The following ANP32B variants were observed in gnomAD, a reference collection of about 807,000 sequenced individuals.
ANP32B encodes the protein acidic leucine-rich nuclear phosphoprotein 32 family member B.
ANP32B carries 6 observed loss-of-function variants against 32.2 expected under a neutral mutation model. The observed-to-expected ratio is 0.19, with a 90% CI of 0.10 to 0.37. The LOEUF (loss-of-function observed/expected upper bound fraction) is 0.37, where lower values mean the gene tolerates loss of function less well. Ranked by LOEUF, ANP32B falls within the 10% of genes least tolerant of loss-of-function variation. The probability of loss-of-function intolerance (pLI) is 1.00; values close to 1 mark genes in which losing one functional copy is unlikely to be tolerated. For synonymous variants in ANP32B, 98 were observed against 105.8 expected, an observed-to-expected ratio of 0.93 and a Z score of 0.45; for missense variants, 204 against 289.2, an observed-to-expected ratio of 0.71 and a Z score of 2.14.
rs562891782 is a variant in ANP32B, at chr9:97,989,073, G to GA, written c.54+5472dup. On this transcript the variant is annotated intron_variant, in intron 1 of 6. Transcript: ENST00000339399. ...ATGAGCAAATTGAAGAGAATGAAAG[G>GA]AAAAAAAATGTTTCCATCTCCTGTG... is the stretch of plus-strand genomic sequence containing the variant. Among the ~76,000 whole-genome samples the GA allele has an allele frequency of 5.5e-4, 84 of 151,862 alleles. 1 individual carries two copies. In the East Asian group the frequency reaches 0.015, roughly 27 times the overall value.
chr9:97,997,141 A>G (rs912171228), intron 2 of ANP32B, among the ~76,000 whole-genome samples: 2 of 152,354 alleles, frequency 1.3e-5, no homozygotes, highest in East Asian at 1.9e-4. Context: ...ACATGGGTTA[A>G]GAAAAGTTAT....
chr9:97,994,540 T>G, intron 1 of ANP32B, 91 bp from the exon 2 acceptor site: 1 of 1,372,324 alleles, frequency 7.3e-7, no homozygotes, highest in Non-Finnish European at 1.0e-6. Flanking sequence ...TATGGGTGTT[T>G]TTGCAGGATA....
Position 98,005,111 on chromosome 9 carries a change from G to A in ANP32B, c.475G>A (p.Asp159Asn). 1 of 1,614,030 alleles carries A rather than the reference G, an allele frequency of 6.2e-7. No homozygotes were observed. The highest frequency in any genetic ancestry group is 8.5e-7 in the Non-Finnish European group (1 of 1,179,986). Residue 159 changes from aspartate (D) to asparagine (N), a missense_variant, in exon 4 of 7, where the codon GAT becomes AAT. Coordinates refer to ENST00000339399, the MANE Select transcript of ANP32B (RefSeq NM_006401.3). ...DREDQEAPDS[D>N]AEVDGVDEEE... ...AGAGGACCAGGAAGCACCTGACTCA[G>A]ATGCCGAGGTGGATGGTGTGGATGA...
chr9:98,009,010 A>T (rs1240769424), intron 4 of ANP32B, among the ~76,000 whole-genome samples: 1 of 152,130 alleles, frequency 6.6e-6, no homozygotes, highest in East Asian at 1.9e-4. Flanking sequence ...CTCCTGATTC[A>T]CAGGGCCTGA....
intron 1 of ANP32B, chr9:97,984,808 A>G (rs1403427101): frequency 6.7e-6 from 1 of 148,192 alleles, no homozygotes; most frequent in Non-Finnish European, 1.5e-5. Flanking sequence ...CCCTTCTTAA[A>G]AGGGCAACGG....
rs879689848 is a variant in ANP32B at position 98,014,419 on chromosome 9, C to A, written c.689-945C>A. 9.9e-5 allele frequency among the ~76,000 whole-genome samples: 15 copies of A among 151,286 alleles called. No homozygotes were observed. The South Asian group carries it at 1.7e-3, about 17-fold the overall frequency. On this transcript the variant is annotated intron_variant, in intron 6 of 6. Transcript: ENST00000339399. ...CCAGAGTCTGTCTCAAAAAAAAAAA[C>A]AACCTGTATGAAATATGATTTAACA...
At chr9:97,986,542 A>G (rs564432858) in intron 1 of ANP32B, 5 of 152,386 alleles carry the variant, frequency 3.3e-5, no homozygotes, top group African/African-American at 9.6e-5. Context: ...AGGAAATTCT[A>G]AAAGAGAGTT....
intron 3 of ANP32B, among the ~76,000 whole-genome samples, chr9:98,004,128 A>G (rs952793701): frequency 1.3e-5 from 2 of 152,240 alleles, no homozygotes; most frequent in African/African-American, 4.8e-5. Context: ...GAGTAAATAC[A>G]TAGACATTTT....
chr9:97,985,838 T>A (rs1055928028), intron 1 of ANP32B, among the ~76,000 whole-genome samples: 5 of 152,242 alleles, frequency 3.3e-5, no homozygotes, highest in Non-Finnish European at 2.9e-5. Context: ...TTTCTTTTTT[T>A]TTTGAGACTG....
intron 2 of ANP32B, among the ~76,000 whole-genome samples, chr9:97,997,473 A>G (rs756754342): frequency 3.3e-5 from 5 of 152,232 alleles, no homozygotes; most frequent in Non-Finnish European, 7.3e-5. Context: ...TACGTAGCAT[A>G]ATAATGAGGA....
chr9:98,013,455 T>C (rs1268792690), intron 6 of ANP32B, among the ~76,000 whole-genome samples: 2 of 152,242 alleles, frequency 1.3e-5, no homozygotes, highest in East Asian at 3.8e-4. Flanking sequence ...ATTTTCAGGA[T>C]ATATAAATAG....
intron 1 of ANP32B, among the ~76,000 whole-genome samples, chr9:97,991,946 C>CA (rs574911190): frequency 5.3e-5 from 8 of 152,344 alleles, no homozygotes; most frequent in African/African-American, 1.7e-4. Flanking sequence ...ACAATTGTGA[C>CA]ACAAACCTCT....
Position 98,004,484 on chromosome 9 carries a change from T to C in ANP32B, c.328-480T>C, listed in dbSNP as rs537719113. 1.2e-3 allele frequency among the ~76,000 whole-genome samples: 190 copies of C among 152,330 alleles called. No individual in the cohort carries two copies. In the Middle Eastern group the frequency reaches 0.014, roughly 11 times the overall value. ...TTATATTTCATCCTCTAGTGTTTCA[T>C]GTCTGTGCCCTAACTAAAATTGTAA... On this transcript the variant is annotated intron_variant, in intron 3 of 6. Transcript: ENST00000339399.
intron 3 of ANP32B, among the ~76,000 whole-genome samples, chr9:97,999,349 T>C (rs1229349956): frequency 6.6e-6 from 1 of 152,228 alleles, no homozygotes; most frequent in African/African-American, 2.4e-5. Context: ...TTATGTACTT[T>C]TACACTTTAA....
chr9:97,999,673 T>C (rs904502830), intron 3 of ANP32B, among the ~76,000 whole-genome samples: 2 of 152,182 alleles, frequency 1.3e-5, no homozygotes, highest in Non-Finnish European at 1.5e-5. Flanking sequence ...TTACCTCACT[T>C]AGGAGTTCTG....
In ANP32B at chr9:98,011,363, G is replaced by A; in HGVS notation, c.610G>A (p.Glu204Lys). ...DDEDEDVEGDEDDDEVSEEEE... is the reference protein window; with the variant it reads ...DDEDEDVEGDKDDDEVSEEEE... ...TGAAGATGAAGATGTAGAAGGGGAT[G>A]AGGACGACGATGAAGTCAGTGAGGA... Residue 204 changes from glutamate to lysine, a missense_variant, in exon 5 of 7, where the codon GAG becomes AAG. Coordinates refer to ENST00000339399, the MANE Select transcript of ANP32B (RefSeq NM_006401.3). 6.4e-7 allele frequency: 1 copy of A among 1,570,586 alleles called. No individual in the cohort carries two copies. The highest frequency in any genetic ancestry group is 8.7e-7 in the Non-Finnish European group (1 of 1,153,976).
chr9:98,009,383 T>G (rs1187012841), intron 4 of ANP32B, among the ~76,000 whole-genome samples: 1 of 152,210 alleles, frequency 6.6e-6, no homozygotes, highest in Non-Finnish European at 1.5e-5. Context: ...TACAGGTGGC[T>G]TAGAGCAGCA....
At chr9:97,985,058 C>T (rs1316098059) in intron 1 of ANP32B, among the ~76,000 whole-genome samples, 12 of 148,932 alleles carry the variant, frequency 8.1e-5, no homozygotes, top group Non-Finnish European at 1.2e-4. Context: ...GGCTGCCCGC[C>T]GTCGCGAGCC....
intron 1 of ANP32B, among the ~76,000 whole-genome samples, chr9:97,985,309 A>G (rs1192588502): frequency 1.3e-5 from 2 of 151,942 alleles, no homozygotes; most frequent in African/African-American, 4.8e-5. Flanking sequence ...CTAGTCTTTG[A>G]GGTCACCACT....
Sources: allele counts gnomAD v4.1 joint callset (sites outside exome capture counted in the v4.1 genomes callset), GRCh38; gene constraint gnomAD v4.1.1; transcripts MANE v1.5; gene names NCBI Gene and HGNC (gene_info 2026-07-23, HGNC 2026-07-21).